Variants in SCN1B observed in about 807,000 individuals in gnomAD.
The protein encoded by SCN1B is sodium voltage-gated channel beta subunit 1, also known as sodium channel regulatory subunit beta-1.
SCN1B carries 11 observed loss-of-function variants against 25.7 expected under a neutral mutation model. The observed-to-expected ratio is 0.43, with a 90% CI of 0.27 to 0.71. The LOEUF is 0.71. SCN1B is among the 30% of genes least tolerant of loss of function. The pLI, the probability that SCN1B is intolerant of heterozygous loss-of-function variation, is 0.21. For missense variants in SCN1B, 224 were observed against 291.5 expected (o/e 0.77, Z 1.69); for synonymous variants, 119 against 117.5 (o/e 1.01, Z -0.08).
Position 35,030,793 on chromosome 19 carries a change from AG to A in SCN1B, c.-22del. 2.7e-5 allele frequency: 27 copies of A among 987,790 alleles called. No individual in the cohort carries two copies. The highest frequency in any genetic ancestry group is 1.2e-4 in the East Asian group (2 of 16,780). The allele number at this position is 987,790 out of a possible 1,614,324, so 61.2% of individuals were successfully genotyped here. A position where few individuals can be genotyped will look rare whatever the true frequency, so the allele number is the denominator to read the frequency against. Reference sequence around the variant, plus strand: ...CCGCTATTAATACCGGCGGCCCGGGAGGGGGGCGCAGCACGCGCCGCGCAGC... The same window carrying A: ...CCGCTATTAATACCGGCGGCCCGGGAGGGGGCGCAGCACGCGCCGCGCAGC... On this transcript the variant is annotated 5_prime_UTR_variant, in exon 1 of 6. Transcript: ENST00000262631.
Position 35,033,620 on chromosome 19 carries a change from A to C in SCN1B, c.329A>C (p.Asn110Thr). Residue 110 changes from asparagine to threonine, a missense_variant, in exon 3 of 6, where the codon AAT (asparagine) becomes ACT (threonine). Coordinates refer to ENST00000262631, the MANE Select transcript of SCN1B (RefSeq NM_001037.5). ...CAGGATCTGTCTATCTTCATCACCA[A>C]TGTCACCTACAACCACTCGGGCGAC... Reference protein sequence around the residue: ...DLQDLSIFITNVTYNHSGDYE... With the variant: ...DLQDLSIFITTVTYNHSGDYE... The C allele has an allele frequency of 6.2e-7, 1 of 1,614,112 alleles. No homozygotes were observed. The highest frequency in any genetic ancestry group is 1.1e-5 in the South Asian group (1 of 91,068).
intron 4 of SCN1B, 75 bp downstream of exon 4, chr19:35,039,333 G>C (rs943770846): frequency 6.9e-6 from 11 of 1,593,242 alleles, no homozygotes; most frequent in South Asian, 2.2e-5. Context: ...TCCGGAGCCC[G>C]GGCAGGGAGG....
At chr19:35,033,805 C>A in intron 3 of SCN1B, 66 bp downstream of exon 3, 1 of 1,613,448 alleles carries the variant, frequency 6.2e-7, no homozygotes, top group Non-Finnish European at 8.5e-7. Flanking sequence ...GGACAGATGG[C>A]AGGCAGTGGA....
Position 35,031,071 on chromosome 19 carries a change from G to A in SCN1B, c.40+211G>A, listed in dbSNP as rs1164934067. 3.3e-5 allele frequency among the ~76,000 whole-genome samples: 5 copies of A among 151,942 alleles called. No individual in the cohort carries two copies. In the South Asian group the frequency reaches 1.0e-3, roughly 31 times the overall value. On this transcript the variant is annotated intron_variant, in intron 1 of 5. Coordinates refer to ENST00000262631, the MANE Select transcript of SCN1B (RefSeq NM_001037.5). Reference sequence around the variant, plus strand: ...GGGTGGGCTCCAGCGGGTGGGGGCCGGGCTGGCACAGCCTGGCGGCTGCAG... The same window carrying A: ...GGGTGGGCTCCAGCGGGTGGGGGCCAGGCTGGCACAGCCTGGCGGCTGCAG...
In SCN1B at chr19:35,039,829, G is replaced by T; in HGVS notation, c.*38G>T. On this transcript the variant is annotated 3_prime_UTR_variant, in exon 6 of 6. Transcript: ENST00000262631. ...GCCCCGCCTCAAGGAAGAGCCAGCCGTAATGGGGACTCTCCAGGCACCGCC... is the reference window on the plus strand; with the variant it reads ...GCCCCGCCTCAAGGAAGAGCCAGCCTTAATGGGGACTCTCCAGGCACCGCC... 2 of 1,008,802 alleles carry T rather than the reference G, an allele frequency of 2.0e-6. No homozygotes were observed. The highest frequency in any genetic ancestry group is 3.0e-6 in the Non-Finnish European group (2 of 670,056). 62.5% of individuals were successfully genotyped at this position (1,008,802 alleles called of 1,614,324 possible).
At chr19:35,038,855 C>A in intron 3 of SCN1B, 1 of 511,714 alleles carries the variant, frequency 2.0e-6, no homozygotes, top group Non-Finnish European at 3.6e-6. Context: ...TGAACCTGAG[C>A]CTTCTGGTTG....
Position 35,032,463 on chromosome 19 carries a change from GAGGGGTCTGGCATTGCTT to G in SCN1B, c.41-60_41-43del. On this transcript the variant is annotated intron_variant, in intron 1 of 5. Transcript: ENST00000262631. This position sits in a 1 kb window ranked among gnomAD's most constrained non-coding sequence, Gnocchi z 4.3. ...ATTGAGGGGGGAACAGATGGTTTGT[GAGGGGTCTGGCATTGCTT>G]AGGGCAATGGGTGCCTCTGCCTGAC... The G allele has an allele frequency of 6.3e-7, 1 of 1,582,480 alleles. No homozygotes were observed.
chr19:35,030,796 G>A lies in SCN1B; in HGVS notation c.-25G>A, dbSNP rs769498227. 9.7e-7 allele frequency: 1 copy of A among 1,027,740 alleles called. No individual in the cohort carries two copies. The allele number at this position is 1,027,740 out of a possible 1,614,324, so 63.7% of individuals were successfully genotyped here. ...CTATTAATACCGGCGGCCCGGGAGGGGGGCGCAGCACGCGCCGCGCAGCCA... is the reference window on the plus strand; with the variant it reads ...CTATTAATACCGGCGGCCCGGGAGGAGGGCGCAGCACGCGCCGCGCAGCCA... On this transcript the variant is annotated 5_prime_UTR_variant, in exon 1 of 6. Transcript: ENST00000262631.
At chr19:35,034,298 CG>C in intron 3 of SCN1B, 2 of 902,538 alleles carry the variant, frequency 2.2e-6, no homozygotes, top group Non-Finnish European at 3.3e-6. Flanking sequence ...ACTCCTGCCC[CG>C]GGGGAGCCGC....
chr19:35,039,092 C>T lies in SCN1B; in HGVS notation c.449-25C>T, dbSNP rs72550246. ...GGCTGTCATGCAGCCTGGGCTACCCCCTTAACCCTGCCTGGCCCCTGCAGC... is the reference window on the plus strand; with the variant it reads ...GGCTGTCATGCAGCCTGGGCTACCCTCTTAACCCTGCCTGGCCCCTGCAGC... On this transcript the variant is annotated intron_variant, in intron 3 of 5. Coordinates refer to ENST00000262631, the MANE Select transcript of SCN1B (RefSeq NM_001037.5). 3.5e-3 allele frequency: 5,685 copies of T among 1,613,934 alleles called. 160 individuals are homozygous for T. In the African/African-American group the frequency reaches 0.065, roughly 18 times the overall value.
intron 1 of SCN1B, 27 bp downstream of exon 1, chr19:35,030,887 C>CG (rs886761926): frequency 4.4e-5 from 23 of 520,770 alleles, no homozygotes; most frequent in Non-Finnish European, 6.0e-5. Flanking sequence ...CGCGCGCGGC[C>CG]GGGGGGCACC....
Position 35,039,919 on chromosome 19 carries a change from C to T in SCN1B, c.*128C>T. Reference sequence around the variant, plus strand: ...AGCCTCAGAGTCCTGCCGACGGAGCCACTGGGGTGGGAGGGGGCAGGGGGC... The same window carrying T: ...AGCCTCAGAGTCCTGCCGACGGAGCTACTGGGGTGGGAGGGGGCAGGGGGC... On this transcript the variant is annotated 3_prime_UTR_variant, in exon 6 of 6. Transcript: ENST00000262631. 1.7e-6 allele frequency: 1 copy of T among 601,252 alleles called. No individual in the cohort carries two copies. Among genetic ancestry groups the T allele is most frequent in the Non-Finnish European group, 2.9e-6 (1 of 339,120 alleles). 37.2% of individuals were successfully genotyped at this position (601,252 alleles called of 1,614,324 possible).
intron 3 of SCN1B, chr19:35,034,870 T>C (rs2064238433): frequency 6.6e-6 from 1 of 152,262 alleles, no homozygotes; most frequent in South Asian, 2.1e-4. Context: ...TGACTGTGTT[T>C]CTGTTCTTGG....
chr19:35,038,328 A>C (rs1412388304), intron 3 of SCN1B: 1 of 152,146 alleles, frequency 6.6e-6, no homozygotes, highest in East Asian at 1.9e-4. Flanking sequence ...ATTTAGGCTC[A>C]AGGAGAAGAA....
chr19:35,039,884 G>A lies in SCN1B; in HGVS notation c.*93G>A. On this transcript the variant is annotated 3_prime_UTR_variant, in exon 6 of 6. Coordinates refer to ENST00000262631, the MANE Select transcript of SCN1B (RefSeq NM_001037.5). ...CCCAGCGTGGGGGTGGCCACTCCTG[G>A]GCCCCAGAAAGCCTCAGAGTCCTGC... The A allele has an allele frequency of 3.0e-6, 2 of 660,718 alleles. No individual in the cohort carries two copies. Among genetic ancestry groups the A allele is most frequent in the South Asian group, 3.7e-5 (2 of 54,412 alleles). 40.9% of individuals were successfully genotyped at this position (660,718 alleles called of 1,614,324 possible). A position where few individuals can be genotyped will look rare whatever the true frequency, so the allele number is the denominator to read the frequency against.
Position 35,039,208 on chromosome 19 carries a change from C to T in SCN1B, c.540C>T (p.Tyr180=). 6.2e-7 allele frequency: 1 copy of T among 1,614,182 alleles called. No homozygotes were observed. The highest frequency in any genetic ancestry group is 8.5e-7 in the Non-Finnish European group (1 of 1,180,042). ...LTIWLVAEMI[Y]CYKKIAAATE... ...TATGGCTCGTGGCAGAGATGATTTA[C>T]TGCTACAAGAAGATCGCTGCCGCCA... The change falls in exon 4 of 6, where the codon TAC becomes TAT. Residue 180 remains tyrosine, a synonymous_variant. Coordinates refer to ENST00000262631, the MANE Select transcript of SCN1B (RefSeq NM_001037.5).
intron 3 of SCN1B, chr19:35,036,842 C>T (rs1014906818): frequency 6.6e-6 from 1 of 151,968 alleles, no homozygotes; most frequent in Non-Finnish European, 1.5e-5. Flanking sequence ...CCTCCATCCA[C>T]CTCCCGGGTT....
rs1224025987 is a variant in SCN1B at position 35,039,686 on chromosome 19, C to T, written c.642C>T (p.Val214=). 6.2e-7 allele frequency: 1 copy of T among 1,614,206 alleles called. No homozygotes were observed. Among genetic ancestry groups the T allele is most frequent in the Admixed American group, 1.7e-5 (1 of 60,032 alleles). Residue 214 remains valine, a synonymous_variant, in exon 5 of 6, where the codon GTC becomes GTT. Coordinates refer to ENST00000262631, the MANE Select transcript of SCN1B (RefSeq NM_001037.5). ...AAAGCAAAGAGAACTGCACGGGCGT[C>T]CAGGTGGCCGAATAGCCCTGGTAAG... is the stretch of plus-strand genomic sequence containing the variant. ...TSESKENCTG[V]QVAE is the part of the protein sequence containing the mutation.
At position 35,032,065 on chromosome 19, in the gene SCN1B, A is replaced by G. The variant is rs912812152; in HGVS notation, c.41-463A>G. Among the ~76,000 whole-genome samples, 2 of 122,866 alleles carry G rather than the reference A, an allele frequency of 1.6e-5. No homozygotes were observed. Among genetic ancestry groups the G allele is most frequent in the South Asian group, 4.9e-4 (2 of 4,094 alleles). The allele number at this position is 122,866 out of a possible 152,430, so 80.6% of individuals were successfully genotyped here. ...ACCCCCAGACCTTTTCTCCCAACCC[A>G]TTTCTCCTGGAGCTAGCTGGTTTTA... On this transcript the variant is annotated intron_variant, in intron 1 of 5. Coordinates refer to ENST00000262631, the MANE Select transcript of SCN1B (RefSeq NM_001037.5). The surrounding 1 kb of genome is among the most constrained non-coding windows in gnomAD (Gnocchi z 4.3).
Sources: allele counts gnomAD v4.1 joint callset (sites outside exome capture counted in the v4.1 genomes callset), GRCh38; gene constraint gnomAD v4.1.1; non-coding constraint Gnocchi (gnomAD v3.1); transcripts MANE v1.5; gene names NCBI Gene and HGNC (gene_info 2026-07-23, HGNC 2026-07-21).